MON1A: variants seen among roughly 807,000 people sequenced by gnomAD.
The protein encoded by MON1A is vacuolar fusion protein MON1 homolog A.
A neutral mutation model predicts 44.6 loss-of-function variants in MON1A; 29 were observed. The observed-to-expected ratio is 0.65, with a 90% CI of 0.48 to 0.89. The LOEUF (loss-of-function observed/expected upper bound fraction) is 0.89. Ranked by LOEUF, MON1A falls within the 40% of genes least tolerant of loss-of-function variation. The pLI, the probability that MON1A is intolerant of heterozygous loss-of-function variation, is 0.00. For missense variants in MON1A, 615 were observed against 759.6 expected (o/e 0.81, Z 2.24); for synonymous variants, 275 against 316.4 (o/e 0.87, Z 1.39).
At position 49,913,014 on chromosome 3, in the gene MON1A, G is replaced by A. The variant is rs1027798781; in HGVS notation, c.127+206C>T. The A allele has an allele frequency of 2.5e-5, 18 of 719,358 alleles. No homozygotes were observed. The Admixed American group carries it at 3.4e-4, about 14-fold the overall frequency. 44.6% of individuals were successfully genotyped at this position (719,358 alleles called of 1,614,324 possible). ...CCCACAATGGCAGCCAGAAAGCTCAGGGCGAGCAGCATAACATGAAGTGGA... is the reference window on the plus strand; with the variant it reads ...CCCACAATGGCAGCCAGAAAGCTCAAGGCGAGCAGCATAACATGAAGTGGA... On this transcript the variant is annotated intron_variant, in intron 2 of 5. Coordinates refer to ENST00000296473, the MANE Select transcript of MON1A (RefSeq NM_032355.4).
At chr3:49,920,829 T>C (rs948792589) in intron 1 of MON1A, among the ~76,000 whole-genome samples, 6 of 134,574 alleles carry the variant, frequency 4.5e-5, no homozygotes, top group African/African-American at 1.7e-4. Context: ...CAGAGCCAGA[T>C]TCTGCATCAA....
At position 49,909,633 on chromosome 3, in the gene MON1A, T is replaced by C. The variant is rs1047907796; in HGVS notation, c.1380-233A>G. 1 of 551,428 alleles carries C rather than the reference T, an allele frequency of 1.8e-6. No individual in the cohort carries two copies. The highest frequency in any genetic ancestry group is 1.9e-5 in the African/African-American group (1 of 53,128). The allele number at this position is 551,428 out of a possible 1,614,324, so 34.2% of individuals were successfully genotyped here. On this transcript the variant is annotated intron_variant, in intron 4 of 5. Transcript: ENST00000296473. This position sits in a 1 kb window ranked among gnomAD's most constrained non-coding sequence, Gnocchi z 4.0. ...TTACCCCCTAAGCTCATAGTGTCTT[T>C]GGTGACCCCTCTTTGGAGAGGCCAG...
Position 49,910,219 on chromosome 3 carries a change from G to A in MON1A, c.1279C>T (p.Arg427Ter), listed in dbSNP as rs1171904336. 1 of 1,614,112 alleles carries A rather than the reference G, an allele frequency of 6.2e-7. No individual in the cohort carries two copies. The highest frequency in any genetic ancestry group is 8.5e-7 in the Non-Finnish European group (1 of 1,179,998). The change falls in exon 4 of 6, where the codon CGA becomes TGA. Residue 427 changes from arginine to a stop codon, truncating the protein, a stop_gained. Coordinates refer to ENST00000296473, the MANE Select transcript of MON1A (RefSeq NM_032355.4). LOFTEE classifies it high-confidence loss of function. This position sits in a 1 kb window ranked among gnomAD's most constrained non-coding sequence, Gnocchi z 8.0. ...LRKRGAHLALREALRTPYYSV... is the reference protein window; with the variant it reads ...LRKRGAHLAL ...TAGTAGGGTGTGCGCAGTGCCTCTC[G>A]CAGGGCCAGGTGGGCTCCGCGCTTG...
intron 1 of MON1A, among the ~76,000 whole-genome samples, chr3:49,926,328 G>A (rs1314730949): frequency 6.6e-6 from 1 of 152,074 alleles, no homozygotes; most frequent in Non-Finnish European, 1.5e-5. Context: ...CTCCCTTCAG[G>A]TTGCTGCTCA....
chr3:49,923,782 G>A (rs1414560252), intron 1 of MON1A, among the ~76,000 whole-genome samples: 1 of 149,158 alleles, frequency 6.7e-6, no homozygotes, highest in East Asian at 2.1e-4. Context: ...TCAGTTGTTT[G>A]GTGAAAAACC....
chr3:49,929,740 T>G lies in MON1A; in HGVS notation c.-145A>C. 1 of 1,549,976 alleles carries G rather than the reference T, an allele frequency of 6.5e-7. No individual in the cohort carries two copies. The highest frequency in any genetic ancestry group is 8.7e-7 in the Non-Finnish European group (1 of 1,146,694). On this transcript the variant is annotated 5_prime_UTR_variant, in exon 1 of 6. Transcript: ENST00000296473. ...CTTCGCGGGGCCCCGGCCCCCTGCG[T>G]ACACAGACATGGCCACAGCGCAGGC...
chr3:49,911,470 C>G lies in MON1A; in HGVS notation c.613+56G>C. The G allele has an allele frequency of 6.4e-7, 1 of 1,552,138 alleles. No homozygotes were observed. Among genetic ancestry groups the G allele is most frequent in the Non-Finnish European group, 8.7e-7 (1 of 1,150,508 alleles). On this transcript the variant is annotated intron_variant, in intron 3 of 5. Coordinates refer to ENST00000296473, the MANE Select transcript of MON1A (RefSeq NM_032355.4). This position sits in a 1 kb window ranked among gnomAD's most constrained non-coding sequence, Gnocchi z 5.7. ...CTGGTCTGCAGGGGTCCAAAACCTG[C>G]TATGAATGAACCTTGGCCAGGGGAG... is the stretch of plus-strand genomic sequence containing the variant.
Position 49,909,761 on chromosome 3 carries a change from C to A in MON1A, c.1379+358G>T. ...GGGACAAAGGGAGGCCATATCTTCCCAGCCCCTCTGCTGGGGGAGGGGGTG... is the reference window on the plus strand; with the variant it reads ...GGGACAAAGGGAGGCCATATCTTCCAAGCCCCTCTGCTGGGGGAGGGGGTG... On this transcript the variant is annotated intron_variant, in intron 4 of 5. Coordinates refer to ENST00000296473, the MANE Select transcript of MON1A (RefSeq NM_032355.4). This position sits in a 1 kb window ranked among gnomAD's most constrained non-coding sequence, Gnocchi z 4.0. 2.9e-6 allele frequency: 1 copy of A among 343,614 alleles called. No homozygotes were observed. The highest frequency in any genetic ancestry group is 5.3e-6 in the Non-Finnish European group (1 of 188,748). The allele number at this position is 343,614 out of a possible 1,614,324, so 21.3% of individuals were successfully genotyped here.
intron 1 of MON1A, among the ~76,000 whole-genome samples, chr3:49,923,696 C>A (rs2083024735): frequency 6.6e-6 from 1 of 151,094 alleles, no homozygotes; most frequent in African/African-American, 2.4e-5. Flanking sequence ...TGTGATCTGC[C>A]CACCTTGGCC....
At chr3:49,927,559 G>A (rs996246188) in intron 1 of MON1A, among the ~76,000 whole-genome samples, 2 of 152,066 alleles carry the variant, frequency 1.3e-5, no homozygotes, top group African/African-American at 4.8e-5. Context: ...AGCCAGGTGG[G>A]CCCTAGCCTG....
In MON1A at chr3:49,912,022, A is replaced by G. The variant is rs1348080931; in HGVS notation, c.128-11T>C. 1 of 1,556,650 alleles carries G rather than the reference A, an allele frequency of 6.4e-7. No individual in the cohort carries two copies. The highest frequency in any genetic ancestry group is 1.4e-5 in the African/African-American group (1 of 73,536). ...CCTCCTGGCCCGCACCTGCAGGCCAAAAGCACTGGTGCTTAGAGGGGTAGC... is the reference window on the plus strand; with the variant it reads ...CCTCCTGGCCCGCACCTGCAGGCCAGAAGCACTGGTGCTTAGAGGGGTAGC... On this transcript the variant is annotated splice_polypyrimidine_tract_variant and intron_variant, in intron 2 of 5. Transcript: ENST00000296473.
chr3:49,929,369 CT>C, intron 1 of MON1A: 1 of 589,866 alleles, frequency 1.7e-6, no homozygotes, highest in Non-Finnish European at 3.0e-6. Flanking sequence ...AGAGTCCTAC[CT>C]GGCCACTGCC....
chr3:49,911,032 C>G lies in MON1A; in HGVS notation c.614-148G>C. 1.3e-6 allele frequency: 1 copy of G among 790,926 alleles called. No individual in the cohort carries two copies. Among genetic ancestry groups the G allele is most frequent in the East Asian group, 2.7e-5 (1 of 37,034 alleles). The allele number at this position is 790,926 out of a possible 1,614,324, so 49.0% of individuals were successfully genotyped here. A position where few individuals can be genotyped will look rare whatever the true frequency, so the allele number is the denominator to read the frequency against. ...GGTTTAAGGATGTTCAGGATAAAAA[C>G]CCATTGCTCCTTCTCCCTGAGGGCT... On this transcript the variant is annotated intron_variant, in intron 3 of 5. Coordinates refer to ENST00000296473, the MANE Select transcript of MON1A (RefSeq NM_032355.4). The surrounding 1 kb of genome is among the most constrained non-coding windows in gnomAD (Gnocchi z 5.7).
chr3:49,910,066 G>A lies in MON1A; in HGVS notation c.1379+53C>T, dbSNP rs1459392573. ...AGAGCTCAGGACCAAACAGCCTCCCGACTCCACATGTCCCTGTCCCGCTAC... is the reference window on the plus strand; with the variant it reads ...AGAGCTCAGGACCAAACAGCCTCCCAACTCCACATGTCCCTGTCCCGCTAC... On this transcript the variant is annotated intron_variant, in intron 4 of 5. Transcript: ENST00000296473. This position sits in a 1 kb window ranked among gnomAD's most constrained non-coding sequence, Gnocchi z 8.0. 9.2e-6 allele frequency: 14 copies of A among 1,518,654 alleles called. No homozygotes were observed. Among genetic ancestry groups the A allele is most frequent in the African/African-American group, 1.4e-5 (1 of 71,996 alleles). 94.1% of individuals were successfully genotyped at this position (1,518,654 alleles called of 1,614,324 possible). A position where few individuals can be genotyped will look rare whatever the true frequency, so the allele number is the denominator to read the frequency against.
At position 49,911,911 on chromosome 3, in the gene MON1A, A is replaced by G. The variant is rs1434311618; in HGVS notation, c.228T>C (p.Gly76=). 3 of 1,613,538 alleles carry G rather than the reference A, an allele frequency of 1.9e-6. No homozygotes were observed. The highest frequency in any genetic ancestry group is 2.2e-5 in the East Asian group (1 of 44,874). Residue 76 remains glycine (G), a synonymous_variant, in exon 3 of 6, where the codon GGT becomes GGC. Transcript: ENST00000296473. The surrounding 1 kb of genome is among the most constrained non-coding windows in gnomAD (Gnocchi z 5.7). ...GAASGDSHKE[G]TRGPPPLPTD... is the part of the protein sequence containing the mutation. ...TAGGCAGCGGCGGGGGACCCCTGGT[A>G]CCCTCCTTGTGGCTGTCCCCAGAAG...
In MON1A at chr3:49,929,621, G is replaced by T; in HGVS notation, c.-26C>A. ...GCAGTCAACTCACCTGTTTCTCAGA[G>T]GAGTCCAGGACGCACAGAAGGTGCC... is the stretch of plus-strand genomic sequence containing the variant. On this transcript the variant is annotated 5_prime_UTR_variant, in exon 1 of 6. Coordinates refer to ENST00000296473, the MANE Select transcript of MON1A (RefSeq NM_032355.4). 6.4e-7 allele frequency: 1 copy of T among 1,551,562 alleles called. No homozygotes were observed. Among genetic ancestry groups the T allele is most frequent in the Non-Finnish European group, 8.7e-7 (1 of 1,146,924 alleles).
In MON1A at chr3:49,910,162, G is replaced by A. The variant is rs765586761; in HGVS notation, c.1336C>T (p.Arg446Cys). 1.9e-6 allele frequency: 3 copies of A among 1,608,024 alleles called. No homozygotes were observed. Among genetic ancestry groups the A allele is most frequent in the African/African-American group, 1.3e-5 (1 of 74,816 alleles). The part of the protein sequence containing the change: ...SVAQVGIPDL[R>C]HFLYKSKSSG... Reference sequence around the variant, plus strand: ...CTCTTTGACTTATAGAGGAAGTGACGCAGGTCAGGGATGCCCACTTGGGCA... The same window carrying A: ...CTCTTTGACTTATAGAGGAAGTGACACAGGTCAGGGATGCCCACTTGGGCA... The change falls in exon 4 of 6, where the codon CGT becomes TGT. Residue 446 changes from arginine to cysteine, a missense_variant. Coordinates refer to ENST00000296473, the MANE Select transcript of MON1A (RefSeq NM_032355.4). The surrounding 1 kb of genome is among the most constrained non-coding windows in gnomAD (Gnocchi z 8.0).
rs772693104 is a variant in MON1A at position 49,911,640 on chromosome 3, G to C, written c.499C>G (p.Pro167Ala). ...TCAGACCCATAGCGGGAGTACACAGGCTTCCCTGCCTCACTCAGCACAAAG... is the reference window on the plus strand; with the variant it reads ...TCAGACCCATAGCGGGAGTACACAGCCTTCCCTGCCTCACTCAGCACAAAG... ...HVFVLSEAGKPVYSRYGSEEA... is the reference protein window; with the variant it reads ...HVFVLSEAGKAVYSRYGSEEA... The change falls in exon 3 of 6, where the codon CCT becomes GCT. Residue 167 changes from proline to alanine, a missense_variant. Transcript: ENST00000296473. The surrounding 1 kb of genome is among the most constrained non-coding windows in gnomAD (Gnocchi z 5.7). The C allele has an allele frequency of 1.2e-6, 2 of 1,614,142 alleles. No individual in the cohort carries two copies. The highest frequency in any genetic ancestry group is 2.2e-5 in the East Asian group (1 of 44,890).
chr3:49,923,272 G>C (rs527716329), intron 1 of MON1A, among the ~76,000 whole-genome samples: 277 of 148,340 alleles, frequency 1.9e-3, no homozygotes, highest in Non-Finnish European at 3.0e-3. Context: ...AACCCGGGAG[G>C]TGGAGGTTGA....
Sources: allele counts gnomAD v4.1 joint callset (sites outside exome capture counted in the v4.1 genomes callset), GRCh38; gene constraint gnomAD v4.1.1; non-coding constraint Gnocchi (gnomAD v3.1); transcripts MANE v1.5; gene names NCBI Gene and HGNC (gene_info 2026-07-23, HGNC 2026-07-21).